KAZN: variants seen among roughly 807,000 people sequenced by gnomAD.
KAZN encodes kazrin.
In KAZN, 40 loss-of-function variants were observed where a neutral mutation model predicts 87.4. The observed-to-expected ratio is 0.46, with a 90% CI of 0.36 to 0.60. The LOEUF (loss-of-function observed/expected upper bound fraction) is 0.60. Ranked by LOEUF, KAZN falls within the 20% of genes least tolerant of loss-of-function variation. The probability of loss-of-function intolerance (pLI) is 0.00; values close to 1 mark genes in which losing one functional copy is unlikely to be tolerated. For synonymous variants in KAZN, 466 were observed against 458.3 expected, an observed-to-expected ratio of 1.02 and a Z score of -0.22; for missense variants, 898 against 1,073.9, an observed-to-expected ratio of 0.84 and a Z score of 2.29.
intron 2 of KAZN, among the ~76,000 whole-genome samples, chr1:14,491,035 G>T (rs1669620277): frequency 6.6e-6 from 1 of 152,292 alleles, no homozygotes; most frequent in Non-Finnish European, 1.5e-5. Flanking sequence ...TCCTTCTACA[G>T]AAATGTTTAT....
intron 2 of KAZN, among the ~76,000 whole-genome samples, chr1:14,512,353 T>G (rs568471969): frequency 6.6e-6 from 1 of 152,098 alleles, no homozygotes; most frequent in Admixed American, 6.6e-5. Context: ...GATGTCATTG[T>G]AGGATGTTTG....
chr1:14,681,292 GT>G (rs1640556170), intron 1 of KAZN, among the ~76,000 whole-genome samples: 1 of 152,146 alleles, frequency 6.6e-6, no homozygotes, highest in Non-Finnish European at 1.5e-5. Flanking sequence ...CACTTGGATT[GT>G]TTCCAGTTTG....
At chr1:14,780,512 G>A (rs1645299215) in intron 1 of KAZN, among the ~76,000 whole-genome samples, 1 of 152,214 alleles carries the variant, frequency 6.6e-6, no homozygotes. Flanking sequence ...TAACATGTGG[G>A]AGCCTCCGGT....
chr1:14,639,758 G>C (rs1345779111), intron 1 of KAZN, among the ~76,000 whole-genome samples: 1 of 152,106 alleles, frequency 6.6e-6, no homozygotes, highest in African/African-American at 2.4e-5. Flanking sequence ...CGTGGCTACT[G>C]AACACTCAGA....
chr1:14,438,721 A>C (rs1177145267), intron 2 of KAZN, among the ~76,000 whole-genome samples: 1 of 152,212 alleles, frequency 6.6e-6, no homozygotes, highest in Non-Finnish European at 1.5e-5. Flanking sequence ...TTTGGCTTCT[A>C]TTCTGAGTGG....
chr1:14,068,925 A>G (rs1220197075), intron 1 of KAZN, among the ~76,000 whole-genome samples: 1 of 151,582 alleles, frequency 6.6e-6, no homozygotes, highest in Non-Finnish European at 1.5e-5. Context: ...CAGCCTCCTG[A>G]GTAGCTGGGA....
At chr1:14,344,989 G>A (rs1658008565) in intron 2 of KAZN, among the ~76,000 whole-genome samples, 1 of 151,206 alleles carries the variant, frequency 6.6e-6, no homozygotes, top group South Asian at 2.1e-4. Context: ...CGTGATCTCG[G>A]CTCACTGCAA....
At chr1:14,480,446 G>A (rs1416953442) in intron 2 of KAZN, among the ~76,000 whole-genome samples, 1 of 151,862 alleles carries the variant, frequency 6.6e-6, no homozygotes, top group Admixed American at 6.6e-5. Context: ...ATGACAATAA[G>A]ATGTACTATA....
chr1:14,217,250 C>T (rs1646977745), intron 2 of KAZN, among the ~76,000 whole-genome samples: 1 of 152,012 alleles, frequency 6.6e-6, no homozygotes, highest in African/African-American at 2.4e-5. Flanking sequence ...ATTATCCAGT[C>T]TGTGGTATTC....
At chr1:14,419,068 T>C (rs1287501639) in intron 2 of KAZN, among the ~76,000 whole-genome samples, 5 of 152,224 alleles carry the variant, frequency 3.3e-5, no homozygotes, top group Admixed American at 2.0e-4. Context: ...TTTATTCCTA[T>C]GTGAGCCGTA....
chr1:13,950,932 A>G (rs190925797), intron 1 of KAZN, among the ~76,000 whole-genome samples: 4 of 152,244 alleles, frequency 2.6e-5, no homozygotes, highest in Admixed American at 2.6e-4. Context: ...AAAAGATGTG[A>G]TAGTGTTGCA....
At position 13,939,103 on chromosome 1, in the gene KAZN, T is replaced by A. The variant is rs75712527; in HGVS notation, c.91+45347T>A. ...TCAGCACCTAGCTCTTTTTTAGTCA[T>A]GCTAATATCTCTAGCAAGTGGTTGC... On this transcript the variant is annotated intron_variant, in intron 1 of 16. Coordinates refer to the KAZN transcript ENST00000636203. 7.9e-3 allele frequency among the ~76,000 whole-genome samples: 1,204 copies of A among 152,370 alleles called. 13 individuals carry two copies. The highest frequency in any genetic ancestry group is 0.027 in the African/African-American group (1,105 of 41,592).
At chr1:14,541,393 C>T (rs1453174504) in intron 2 of KAZN, among the ~76,000 whole-genome samples, 2 of 152,138 alleles carry the variant, frequency 1.3e-5, no homozygotes, top group East Asian at 3.9e-4. Context: ...ATGTGTTCTT[C>T]CCATTTTTAT....
chr1:14,993,168 A>T (rs1359526471), intron 2 of KAZN, among the ~76,000 whole-genome samples: 1 of 78,522 alleles, frequency 1.3e-5, no homozygotes, highest in Non-Finnish European at 2.6e-5. Flanking sequence ...ATAAGCAATT[A>T]AAAAAAAAAA....
intron 1 of KAZN, among the ~76,000 whole-genome samples, chr1:14,026,799 C>G (rs1056181518): frequency 6.6e-6 from 1 of 152,132 alleles, no homozygotes; most frequent in African/African-American, 2.4e-5. Context: ...AGCTCACAGT[C>G]CAGGAGGGAA....
At chr1:14,274,861 G>A (rs1252893919) in intron 2 of KAZN, among the ~76,000 whole-genome samples, 1 of 145,720 alleles carries the variant, frequency 6.9e-6, no homozygotes, top group South Asian at 2.2e-4. Flanking sequence ...CTTTTTTTTT[G>A]GGTCTGTCTT....
At chr1:14,420,557 C>T (rs944058551) in intron 2 of KAZN, among the ~76,000 whole-genome samples, 15 of 152,174 alleles carry the variant, frequency 9.9e-5, no homozygotes, top group African/African-American at 3.1e-4. Flanking sequence ...GCAAGGGGTG[C>T]GCTCGTCGGG....
chr1:14,859,167 A>G (rs1650537108), intron 1 of KAZN, among the ~76,000 whole-genome samples: 1 of 151,188 alleles, frequency 6.6e-6, no homozygotes, highest in African/African-American at 2.4e-5. Flanking sequence ...AGATTGCGCC[A>G]CTGCACTCAC....
At chr1:14,637,909 G>A (rs1373427485) in intron 1 of KAZN, among the ~76,000 whole-genome samples, 3 of 152,056 alleles carry the variant, frequency 2.0e-5, no homozygotes, top group African/African-American at 7.2e-5. Context: ...CAAAATCAAG[G>A]TGCCAGCAGG....
Sources: allele counts gnomAD v4.1 joint callset (sites outside exome capture counted in the v4.1 genomes callset), GRCh38; gene constraint gnomAD v4.1.1; transcripts MANE v1.5; gene names NCBI Gene and HGNC (gene_info 2026-07-23, HGNC 2026-07-21).